Variants in DMBT1 observed in about 807,000 individuals in gnomAD.
The protein encoded by DMBT1 is deleted in malignant brain tumors 1.
Under a neutral mutation model 252.9 loss-of-function variants are expected in DMBT1, and 198 were observed. The observed-to-expected ratio is 0.78, with a 90% CI of 0.70 to 0.88. The LOEUF is 0.88. Among genes scored for constraint, DMBT1 ranks in the 40% least tolerant of loss-of-function variants. DMBT1 has a pLI of 0.00. For missense variants in DMBT1, 2,432 were observed against 2,404.7 expected, an observed-to-expected ratio of 1.01 and a Z score of -0.24; for synonymous variants, 990 against 942.7, an observed-to-expected ratio of 1.05 and a Z score of -0.92.
chr10:122,586,467 G>A (rs1473436819), intron 16 of DMBT1, 84 bp downstream of exon 16: 2 of 1,531,192 alleles, frequency 1.3e-6, no homozygotes, highest in Admixed American at 3.9e-5. Flanking sequence ...TCCTCACTTA[G>A]AGCTTTTTCA....
intron 50 of DMBT1, 53 bp downstream of exon 50, chr10:122,631,928 A>T: frequency 6.3e-7 from 1 of 1,586,178 alleles, no homozygotes; most frequent in Non-Finnish European, 8.7e-7. Context: ...TCTCTCCATT[A>T]CTGCTGCCTA....
chr10:122,584,495 A>C (rs2097773686), intron 14 of DMBT1, 144 bp downstream of exon 14: 1 of 441,654 alleles, frequency 2.3e-6, no homozygotes, highest in Admixed American at 3.4e-5. Context: ...GAGACCCTGG[A>C]ATGGCGCTTC....
rs189052942 is a variant in DMBT1, at chr10:122,591,664, G to T, written c.2176+147G>T. The T allele has an allele frequency of 3.7e-4, 356 of 965,548 alleles. 2 individuals are homozygous for T. The African/African-American group carries it at 4.8e-3, about 13-fold the overall frequency. The allele number at this position is 965,548 out of a possible 1,614,324, so 59.8% of individuals were successfully genotyped here. On this transcript the variant is annotated intron_variant, in intron 19 of 55. Transcript: ENST00000338354. The stretch of plus-strand genomic sequence containing the variant: ...AGTGGGAGGAAGTTGAGTCTCTGGG[G>T]AACCAGTCCCGGGTCGGGTGTTAGA...
At chr10:122,630,899 G>A in intron 48 of DMBT1, 62 bp from the exon 49 acceptor site, 1 of 1,524,720 alleles carries the variant, frequency 6.6e-7, no homozygotes, top group Admixed American at 1.9e-5. Context: ...GGCCTTTGAG[G>A]TTTGTTGTGG....
chr10:122,586,243 G>A lies in DMBT1; in HGVS notation c.1643G>A (p.Arg548Gln), dbSNP rs377302246. 111 of 1,588,780 alleles carry A rather than the reference G, an allele frequency of 7.0e-5. 11 individuals are homozygous for A. Among genetic ancestry groups the A allele is most frequent in the South Asian group, 6.2e-4 (54 of 87,006 alleles). ...GCCATGTTGGCCCCAGGAAATGCCC[G>A]GTTTGGTCAGGGCTCAGGACCCATT... ...GWAMLAPGNA[R>Q]FGQGSGPIVL... The change falls in exon 16 of 56, where the codon CGG becomes CAG. Residue 548 changes from arginine to glutamine, a missense_variant. This residue lies in a region of DMBT1 where 1,264 missense variants were observed against 1,082.2 expected (regional missense o/e 1.17). Transcript: ENST00000338354.
rs371686981 is a variant in DMBT1 at position 122,586,151 on chromosome 10, C to T, written c.1551C>T (p.Thr517=). ...VEVLYRGSWG[T]VCDDSWDTND... ...TCCTATACCGAGGCTCCTGGGGCACCGTGTGTGATGACAGCTGGGACACCA... is the reference window on the plus strand; with the variant it reads ...TCCTATACCGAGGCTCCTGGGGCACTGTGTGTGATGACAGCTGGGACACCA... The change falls in exon 16 of 56, where the codon ACC becomes ACT. Residue 517 remains threonine, a synonymous_variant. Transcript: ENST00000338354. 2.7e-5 allele frequency: 43 copies of T among 1,589,028 alleles called. 4 individuals carry two copies. Among genetic ancestry groups the T allele is most frequent in the African/African-American group, 1.7e-4 (13 of 74,478 alleles).
chr10:122,599,311 T>A (rs774940638), intron 26 of DMBT1, among the ~76,000 whole-genome samples: 3 of 151,818 alleles, frequency 2.0e-5, no homozygotes, highest in Non-Finnish European at 4.4e-5. Flanking sequence ...CAACCCAGAG[T>A]TTTTCCCCTT....
intron 3 of DMBT1, 93 bp downstream of exon 3, chr10:122,570,302 T>G: frequency 9.5e-7 from 1 of 1,056,502 alleles, no homozygotes; most frequent in South Asian, 1.3e-5. Flanking sequence ...AAGCCATACT[T>G]CTAGCAACTC....
chr10:122,625,520 C>G (rs1409091846), intron 45 of DMBT1, among the ~76,000 whole-genome samples: 2 of 152,216 alleles, frequency 1.3e-5, no homozygotes, highest in African/African-American at 2.4e-5. Flanking sequence ...CTATTGCCTG[C>G]TGATAGTGCT....
In DMBT1 at chr10:122,620,522, C is replaced by A. The variant is rs143506818; in HGVS notation, c.5284+231C>A. Among the ~76,000 whole-genome samples, 205 of 152,294 alleles carry A rather than the reference C, an allele frequency of 1.3e-3. 1 individual carries two copies. The highest frequency in any genetic ancestry group is 4.7e-3 in the African/African-American group (197 of 41,554). On this transcript the variant is annotated intron_variant, in intron 43 of 55. Transcript: ENST00000338354. ...TCTGTTTTATGTAGTCAGGAAAGATCCTCAGCCAGGTGCTCAGGACAAGCC... is the reference window on the plus strand; with the variant it reads ...TCTGTTTTATGTAGTCAGGAAAGATACTCAGCCAGGTGCTCAGGACAAGCC...
At chr10:122,577,572 A>C (rs116419194) in intron 7 of DMBT1, among the ~76,000 whole-genome samples, 1 of 152,128 alleles carries the variant, frequency 6.6e-6, no homozygotes, top group African/African-American at 2.4e-5. Context: ...GGCCGGTCCC[A>C]GGCACCGAAG....
rs114322112 is a variant in DMBT1 at position 122,571,061 on chromosome 10, G to T, written c.187+124G>T. The T allele has an allele frequency of 0.012, 14,854 of 1,190,754 alleles. 885 individuals are homozygous for T. In the South Asian group the frequency reaches 0.13, roughly 10 times the overall value. The allele number at this position is 1,190,754 out of a possible 1,614,324, so 73.8% of individuals were successfully genotyped here. A position where few individuals can be genotyped will look rare whatever the true frequency, so the allele number is the denominator to read the frequency against. ...GGTGCTGGTGTCATGTTCTCAGGTA[G>T]TGTGGATATCACCTTGCTCTGTGTA... On this transcript the variant is annotated intron_variant, in intron 4 of 55. Coordinates refer to ENST00000338354, the MANE Select transcript of DMBT1 (RefSeq NM_001377530.1).
chr10:122,587,715 G>A (rs1171265187), intron 16 of DMBT1, among the ~76,000 whole-genome samples: 1 of 148,608 alleles, frequency 6.7e-6, no homozygotes, highest in Non-Finnish European at 1.5e-5. Context: ...CTCAGGCAAG[G>A]AGAGAGATAT....
intron 16 of DMBT1, among the ~76,000 whole-genome samples, chr10:122,588,606 C>T (rs894905260): frequency 7.4e-5 from 11 of 148,842 alleles, no homozygotes; most frequent in African/African-American, 2.7e-4. Context: ...GGGGTGCCAC[C>T]TAACTCTTGA....
chr10:122,617,818 C>T (rs1277591190), intron 40 of DMBT1, among the ~76,000 whole-genome samples, 199 bp from the exon 41 acceptor site: 2 of 151,552 alleles, frequency 1.3e-5, no homozygotes, highest in East Asian at 2.0e-4. Flanking sequence ...AAAATCTGAG[C>T]CTCCATAAAC....
intron 55 of DMBT1, among the ~76,000 whole-genome samples, chr10:122,641,952 T>C (rs1030094166): frequency 3.9e-5 from 6 of 152,114 alleles, no homozygotes; most frequent in Non-Finnish European, 8.8e-5. Flanking sequence ...GGCTTGGGCA[T>C]GTTACGTTTA....
rs765550970 is a variant in DMBT1, at chr10:122,579,635, G to T, written c.737G>T (p.Arg246Leu). The change falls in exon 10 of 56, where the codon CGA becomes CTA. Residue 246 changes from arginine (R) to leucine (L), a missense_variant. This residue lies in a region of DMBT1 where 1,264 missense variants were observed against 1,082.2 expected (regional missense o/e 1.17). Transcript: ENST00000338354. Reference sequence around the variant, plus strand: ...AATGGAGGCGACAGGTGTCGAGGCCGAGTGGAGGTCCTATACCGAGGCTCC... The same window carrying T: ...AATGGAGGCGACAGGTGTCGAGGCCTAGTGGAGGTCCTATACCGAGGCTCC... The part of the protein sequence containing the change: ...LVNGGDRCRG[R>L]VEVLYRGSWG... The T allele has an allele frequency of 2.5e-6, 4 of 1,613,702 alleles. No homozygotes were observed. Among genetic ancestry groups the T allele is most frequent in the Admixed American group, 1.7e-5 (1 of 60,024 alleles).
chr10:122,570,596 A>G (rs1442974036), intron 3 of DMBT1, among the ~76,000 whole-genome samples: 2 of 152,178 alleles, frequency 1.3e-5, no homozygotes, highest in Non-Finnish European at 2.9e-5. Flanking sequence ...TTGACATTCA[A>G]TCTTGTGACT....
intron 1 of DMBT1, 90 bp from the exon 2 acceptor site, chr10:122,565,877 G>T: frequency 1.5e-6 from 2 of 1,292,682 alleles, no homozygotes; most frequent in East Asian, 2.4e-5. Flanking sequence ...CCTCTGGTGT[G>T]ATTGTACGGT....
Sources: gnomAD v4.1 joint callset for allele counts (sites outside exome capture counted in the v4.1 genomes callset) on GRCh38, gnomAD v4.1.1 for gene constraint, gnomAD v4.1.1 regional missense constraint, MANE v1.5 for transcripts, NCBI Gene and HGNC (gene_info 2026-07-23, HGNC 2026-07-21) for gene names.